Variants in RAPGEF4 observed in about 807,000 individuals in gnomAD.
RAPGEF4 encodes RAP guanine-nucleotide-exchange factor (GEF) 4.
In RAPGEF4, 66 loss-of-function variants were observed where a neutral mutation model predicts 147.9. The ratio of observed to expected loss-of-function variants is 0.45; its 90% confidence interval spans 0.37 to 0.55. The LOEUF is 0.55. Among genes scored for constraint, RAPGEF4 ranks in the 20% least tolerant of loss-of-function variants. RAPGEF4 has a pLI of 0.00. For missense variants in RAPGEF4, 1,071 were observed against 1,257.3 expected, an observed-to-expected ratio of 0.85 and a Z score of 2.24; for synonymous variants, 419 against 442.7, an observed-to-expected ratio of 0.95 and a Z score of 0.67.
chr2:172,895,243 G>A (rs1575161391), intron 4 of RAPGEF4, among the ~76,000 whole-genome samples: 3 of 152,240 alleles, frequency 2.0e-5, no homozygotes, highest in African/African-American at 7.2e-5. Context: ...ATTCCGGTGG[G>A]TTTGGATTTT....
At chr2:172,783,868 A>G (rs1250550633) in intron 1 of RAPGEF4, among the ~76,000 whole-genome samples, 1 of 152,044 alleles carries the variant, frequency 6.6e-6, no homozygotes, top group African/African-American at 2.4e-5. Flanking sequence ...GAGAGGGGCC[A>G]CAGTGATGCA....
rs143277868 is a variant in RAPGEF4 at position 173,008,044 on chromosome 2, G to A, written c.1659-6420G>A. Among the ~76,000 whole-genome samples the A allele has an allele frequency of 3.5e-3, 479 of 138,804 alleles. 8 individuals carry two copies. Among genetic ancestry groups the A allele is most frequent in the African/African-American group, 0.012 (447 of 37,914 alleles). The allele number at this position is 138,804 out of a possible 152,430, so 91.1% of individuals were successfully genotyped here. On this transcript the variant is annotated intron_variant, in intron 17 of 30. Transcript: ENST00000397081. ...CCCCATGTGTTGGGGGCAGAACTGTGTGGGAGGTGATTAGATCGGGTGTGG... is the reference window on the plus strand; with the variant it reads ...CCCCATGTGTTGGGGGCAGAACTGTATGGGAGGTGATTAGATCGGGTGTGG...
chr2:172,976,579 T>C (rs1691095998), intron 10 of RAPGEF4, among the ~76,000 whole-genome samples: 1 of 152,178 alleles, frequency 6.6e-6, no homozygotes, highest in African/African-American at 2.4e-5. Context: ...ACCTCGAAGC[T>C]TGACCATGGC....
chr2:172,995,646 A>G (rs747793125), intron 15 of RAPGEF4, among the ~76,000 whole-genome samples: 9 of 152,172 alleles, frequency 5.9e-5, no homozygotes, highest in Non-Finnish European at 1.0e-4. Flanking sequence ...TTGGAAGAGA[A>G]GCACTCAGAT....
At chr2:172,985,379 T>C (rs1692140174) in intron 11 of RAPGEF4, 54 bp from the exon 12 acceptor site, 1 of 1,613,480 alleles carries the variant, frequency 6.2e-7, no homozygotes, top group South Asian at 1.1e-5. Context: ...ACAACCCTTT[T>C]CCACCCAGAC....
chr2:172,888,058 TCTTCCGTG>T (rs1371622623), intron 4 of RAPGEF4, among the ~76,000 whole-genome samples: 1 of 152,198 alleles, frequency 6.6e-6, no homozygotes, highest in Non-Finnish European at 1.5e-5. Flanking sequence ...TAATTCTGCA[TCTTCCGTG>T]CATCCGTCCA....
chr2:172,820,496 T>A (rs1411828291), intron 4 of RAPGEF4, among the ~76,000 whole-genome samples: 1 of 152,244 alleles, frequency 6.6e-6, no homozygotes, highest in East Asian at 1.9e-4. Flanking sequence ...GTGATTGTTA[T>A]CTGGGAGCCT....
chr2:173,005,520 G>GTTTTTTTTTTTTTTTTTTTTTTTTTTT (rs573596077), intron 17 of RAPGEF4, among the ~76,000 whole-genome samples: 2 of 86,736 alleles, frequency 2.3e-5, no homozygotes, highest in Non-Finnish European at 2.1e-5. Flanking sequence ...GTTGTTTTGT[G>GTTTTTTTTTTTTTTTTTTTTTTTTTTT]TTTTTTTTTT....
At chr2:172,990,354 G>T (rs1001669246) in intron 14 of RAPGEF4, among the ~76,000 whole-genome samples, 3 of 152,102 alleles carry the variant, frequency 2.0e-5, no homozygotes, top group Non-Finnish European at 4.4e-5. Context: ...ATTTCAAACA[G>T]ATTTTTCTTA....
intron 4 of RAPGEF4, among the ~76,000 whole-genome samples, chr2:172,911,179 CT>C (rs1400750816): frequency 6.6e-6 from 1 of 152,126 alleles, no homozygotes; most frequent in Non-Finnish European, 1.5e-5. Flanking sequence ...GATGAGGCAC[CT>C]TGAATGCTGT....
At position 172,965,644 on chromosome 2, in the gene RAPGEF4, A is replaced by G; in HGVS notation, c.781A>G (p.Met261Val). The G allele has an allele frequency of 1.2e-6, 2 of 1,614,178 alleles. No individual in the cohort carries two copies. Among genetic ancestry groups the G allele is most frequent in the African/African-American group, 1.3e-5 (1 of 75,040 alleles). ...CVHSRTQAVG[M>V]WQVLLEDGVL... ...TCACTCCCGGACTCAAGCTGTTGGCATGTGGCAAGTCCTGTTAGAAGATGG... is the reference window on the plus strand; with the variant it reads ...TCACTCCCGGACTCAAGCTGTTGGCGTGTGGCAAGTCCTGTTAGAAGATGG... The change falls in exon 9 of 31, where the codon ATG becomes GTG. Residue 261 changes from methionine (M) to valine (V), a missense_variant. Met to Val is a conservative substitution (Grantham distance 21). Transcript: ENST00000397081.
chr2:172,982,895 A>G (rs1691831463), intron 10 of RAPGEF4, among the ~76,000 whole-genome samples: 1 of 152,196 alleles, frequency 6.6e-6, no homozygotes, highest in African/African-American at 2.4e-5. Flanking sequence ...TCTCTTACTA[A>G]TCGCAGATGC....
chr2:172,955,211 A>C (rs1002442442), intron 6 of RAPGEF4, among the ~76,000 whole-genome samples: 2 of 152,238 alleles, frequency 1.3e-5, no homozygotes, highest in Non-Finnish European at 2.9e-5. Flanking sequence ...ACAGTGCCTT[A>C]TACCTCATTA....
rs577708625 is a variant in RAPGEF4 at position 173,040,597 on chromosome 2, C to A, written c.2853+3905C>A. Reference sequence around the variant, plus strand: ...TGGTGGCAGCATTGTAGAGTCACAGCAAACCACCATGCCAACTCTAAGTGT... The same window carrying A: ...TGGTGGCAGCATTGTAGAGTCACAGAAAACCACCATGCCAACTCTAAGTGT... On this transcript the variant is annotated intron_variant, in intron 29 of 30. Transcript: ENST00000397081. Among the ~76,000 whole-genome samples the A allele has an allele frequency of 6.6e-5, 10 of 152,314 alleles. No individual in the cohort carries two copies. In the South Asian group the frequency reaches 1.2e-3, roughly 19 times the overall value.
chr2:172,805,797 G>C (rs1687434801), intron 3 of RAPGEF4, among the ~76,000 whole-genome samples: 1 of 152,118 alleles, frequency 6.6e-6, no homozygotes, highest in African/African-American at 2.4e-5. Flanking sequence ...ATCCTCTCCT[G>C]TCTTGGTGCC....
chr2:173,018,556 A>C, intron 21 of RAPGEF4, 100 bp from the exon 22 acceptor site: 1 of 1,343,192 alleles, frequency 7.4e-7, no homozygotes, highest in Non-Finnish European at 1.0e-6. Flanking sequence ...AAATGGCAAA[A>C]TGATGCAAAT....
intron 26 of RAPGEF4, among the ~76,000 whole-genome samples, chr2:173,033,110 G>T (rs1234906666): frequency 6.8e-6 from 1 of 147,516 alleles, no homozygotes; most frequent in Admixed American, 6.7e-5. Flanking sequence ...GGTGCAGTAA[G>T]TGGTGTTGAA....
intron 26 of RAPGEF4, among the ~76,000 whole-genome samples, chr2:173,030,658 C>T (rs12614386): frequency 0.045 from 6,896 of 152,242 alleles, 204 homozygotes; most frequent in Admixed American, 0.079. Context: ...GACAGAAGAT[C>T]CATTTTTATC....
intron 1 of RAPGEF4, among the ~76,000 whole-genome samples, chr2:172,740,732 A>G (rs1694225740): frequency 6.6e-6 from 1 of 152,218 alleles, no homozygotes; most frequent in Admixed American, 6.5e-5. Flanking sequence ...CCAAGGGATG[A>G]CATTACCCCG....
Sources: gnomAD v4.1 joint callset for allele counts (sites outside exome capture counted in the v4.1 genomes callset) on GRCh38, gnomAD v4.1.1 for gene constraint, MANE v1.5 for transcripts, NCBI Gene and HGNC (gene_info 2026-07-23, HGNC 2026-07-21) for gene names.